GLYAT: variants seen among roughly 807,000 people sequenced by gnomAD.
GLYAT encodes the protein glycine N-acyltransferase.
In GLYAT, 25 loss-of-function variants were observed where a neutral mutation model predicts 22.8. The ratio of observed to expected loss-of-function variants is 1.09; its 90% CI spans 0.80 to 1.53. The LOEUF is 1.53. Among genes scored for constraint, GLYAT ranks in the 40% most tolerant of loss-of-function variants. The probability of loss-of-function intolerance (pLI) is 0.00; values close to 1 mark genes in which losing one functional copy is unlikely to be tolerated. For synonymous variants in GLYAT, 140 were observed against 122.7 expected, an observed-to-expected ratio of 1.14 and a Z score of -0.93; for missense variants, 411 against 353.9, an observed-to-expected ratio of 1.16 and a Z score of -1.29.
At chr11:58,721,326 A>G (rs952359323) in intron 2 of GLYAT, among the ~76,000 whole-genome samples, 1 of 151,616 alleles carries the variant, frequency 6.6e-6, no homozygotes, top group African/African-American at 2.4e-5. Context: ...TGATAGAAGG[A>G]GATGTTTTTA....
chr11:58,724,681 TTC>T (rs1212594571), intron 1 of GLYAT, among the ~76,000 whole-genome samples, 170 bp from the exon 2 acceptor site: 1 of 152,062 alleles, frequency 6.6e-6, no homozygotes, highest in Non-Finnish European at 1.5e-5. Context: ...ACAAGGAGCT[TTC>T]TCTGAGTTTT....
chr11:58,712,406 G>T (rs565423482), intron 4 of GLYAT, among the ~76,000 whole-genome samples: 3 of 152,250 alleles, frequency 2.0e-5, no homozygotes, highest in African/African-American at 7.2e-5. Flanking sequence ...TTGGTGACCT[G>T]GGAAGTATTC....
intron 2 of GLYAT, among the ~76,000 whole-genome samples, chr11:58,720,512 A>G (rs1049422657): frequency 2.6e-5 from 4 of 152,022 alleles, no homozygotes; most frequent in Admixed American, 1.3e-4. Flanking sequence ...GTCCTCATTC[A>G]TTCCTGGACG....
chr11:58,717,361 G>A (rs1856694893), intron 2 of GLYAT, among the ~76,000 whole-genome samples: 1 of 151,944 alleles, frequency 6.6e-6, no homozygotes, highest in African/African-American at 2.4e-5. Context: ...ACAAACAAAA[G>A]AACAATCCTG....
At chr11:58,717,889 G>T (rs1050820002) in intron 2 of GLYAT, among the ~76,000 whole-genome samples, 1 of 152,020 alleles carries the variant, frequency 6.6e-6, no homozygotes, top group Admixed American at 6.6e-5. Context: ...TCTCAGATAA[G>T]ACTTTTTATA....
At chr11:58,722,418 A>C (rs1334467083) in intron 2 of GLYAT, among the ~76,000 whole-genome samples, 1 of 151,994 alleles carries the variant, frequency 6.6e-6, no homozygotes, top group African/African-American at 2.4e-5. Flanking sequence ...TTTTAGGGAG[A>C]TATGAGGCCT....
intron 3 of GLYAT, among the ~76,000 whole-genome samples, chr11:58,714,306 C>T (rs1394850406): frequency 6.6e-6 from 1 of 152,018 alleles, no homozygotes; most frequent in Non-Finnish European, 1.5e-5. Flanking sequence ...TTGAAAATTG[C>T]TGAGAGAGTA....
intron 3 of GLYAT, among the ~76,000 whole-genome samples, chr11:58,714,835 A>G (rs1856659740): frequency 6.6e-6 from 1 of 152,112 alleles, no homozygotes; most frequent in Non-Finnish European, 1.5e-5. Context: ...TTGATAAATT[A>G]CCCTGTCTCA....
At chr11:58,724,270 T>C (rs1282173017) in intron 2 of GLYAT, 146 bp downstream of exon 2, 1 of 520,664 alleles carries the variant, frequency 1.9e-6, no homozygotes, top group Admixed American at 3.5e-5. Flanking sequence ...AGTAAACATC[T>C]TGTAGAGAGG....
intron 3 of GLYAT, among the ~76,000 whole-genome samples, chr11:58,714,165 A>T (rs1856650856): frequency 6.6e-6 from 1 of 152,134 alleles, no homozygotes; most frequent in Non-Finnish European, 1.5e-5. Flanking sequence ...GGTGGGGGAA[A>T]GTAGAGGAAT....
At chr11:58,728,896 A>AGGAG (rs1491475575) in intron 1 of GLYAT, among the ~76,000 whole-genome samples, 76 of 98,694 alleles carry the variant, frequency 7.7e-4, no homozygotes, top group African/African-American at 2.9e-3. Context: ...GAAAGAAGGA[A>AGGAG]GGAAGGAAGG....
chr11:58,717,423 GTATGAAAGTGGCT>G (rs1267503281), intron 2 of GLYAT, among the ~76,000 whole-genome samples: 3 of 151,978 alleles, frequency 2.0e-5, no homozygotes, highest in African/African-American at 7.2e-5. Context: ...TAATAGGCAG[GTATGAAAGTGGCT>G]TATGTATGTA....
At position 58,710,058 on chromosome 11, in the gene GLYAT, C is replaced by T; in HGVS notation, c.599G>A (p.Cys200Tyr). Residue 200 changes from cysteine to tyrosine, a missense_variant, in exon 6 of 6, where the codon TGC (cysteine) becomes TAC (tyrosine). By Grantham distance (194) the Cys-to-Tyr change is radical. Coordinates refer to ENST00000344743, the MANE Select transcript of GLYAT (RefSeq NM_201648.3). ...ACAGCAGGTGGGAAAGGTCTGAATG[C>T]AGCGCTCAATGAATCTCTGGCTCCT... is the stretch of plus-strand genomic sequence containing the variant. ...NERSQRFIER[C>Y]IQTFPTCCLL... 2 of 1,614,078 alleles carry T rather than the reference C, an allele frequency of 1.2e-6. No homozygotes were observed. The highest frequency in any genetic ancestry group is 1.7e-6 in the Non-Finnish European group (2 of 1,179,932).
In GLYAT at chr11:58,728,922, G is replaced by GAAGA. The variant is rs1164245292; in HGVS notation, c.-16+2912_-16+2913insTCTT. On this transcript the variant is annotated intron_variant, in intron 1 of 5. Coordinates refer to ENST00000344743, the MANE Select transcript of GLYAT (RefSeq NM_201648.3). ...GGAAGGAAGGAAGGAAGGAAGGAAG[G>GAAGA]AAGGAAGGAAGGAAGGAAGGAAGGA... Among the ~76,000 whole-genome samples the GAAGA allele has an allele frequency of 7.2e-4, 107 of 148,298 alleles. 2 individuals carry two copies. The highest frequency in any genetic ancestry group is 2.0e-3 in the African/African-American group (79 of 40,330).
In GLYAT at chr11:58,710,104, A is replaced by G; in HGVS notation, c.553T>C (p.Trp185Arg). ...CTCCTCTCATTACCACCAAAATGCC[A>G]GAATTTATTCACCAAGTGAGCATGG... The part of the protein sequence containing the change: ...VTHAHLVNKF[W>R]HFGGNERSQR... The change falls in exon 6 of 6, where the codon TGG (tryptophan) becomes CGG (arginine). Residue 185 changes from tryptophan to arginine, a missense_variant. By Grantham distance (101) the Trp-to-Arg change is moderately radical. Coordinates refer to ENST00000344743, the MANE Select transcript of GLYAT (RefSeq NM_201648.3). 44 of 1,614,120 alleles carry G rather than the reference A, an allele frequency of 2.7e-5. No individual in the cohort carries two copies. The highest frequency in any genetic ancestry group is 3.5e-5 in the Non-Finnish European group (41 of 1,179,976).
chr11:58,716,760 G>A (rs11229594), intron 2 of GLYAT, among the ~76,000 whole-genome samples: 32,902 of 152,028 alleles, frequency 0.22, 3,976 homozygotes, highest in African/African-American at 0.31. Flanking sequence ...ATTTTGCCAA[G>A]ATTGAGTGCA....
chr11:58,723,718 C>T (rs1370851815), intron 2 of GLYAT, among the ~76,000 whole-genome samples: 1 of 151,946 alleles, frequency 6.6e-6, no homozygotes, highest in African/African-American at 2.4e-5. Flanking sequence ...TATATACATA[C>T]AGACAAGAAT....
intron 3 of GLYAT, among the ~76,000 whole-genome samples, chr11:58,713,272 T>C (rs1262566721): frequency 6.6e-6 from 1 of 152,184 alleles, no homozygotes; most frequent in Non-Finnish European, 1.5e-5. Flanking sequence ...CTGAATTCTT[T>C]AAATAATGAG....
chr11:58,724,216 A>C (rs1485464191), intron 2 of GLYAT, 200 bp downstream of exon 2: 3 of 473,478 alleles, frequency 6.3e-6, no homozygotes, highest in Admixed American at 3.7e-5. Context: ...TGAGAAAATC[A>C]GTTAACTGAG....
Sources: allele counts gnomAD v4.1 joint callset (sites outside exome capture counted in the v4.1 genomes callset), GRCh38; gene constraint gnomAD v4.1.1; transcripts MANE v1.5; gene names NCBI Gene and HGNC (gene_info 2026-07-23, HGNC 2026-07-21).